Variants in PTPRN2 observed in about 807,000 individuals in gnomAD.
PTPRN2 encodes protein tyrosine phosphatase receptor type N2.
PTPRN2 carries 74 observed loss-of-function variants against 118.8 expected under a neutral mutation model. The ratio of observed to expected loss-of-function variants is 0.62; its 90% CI spans 0.52 to 0.76. The LOEUF is 0.76. Among genes scored for constraint, PTPRN2 ranks in the 30% least tolerant of loss-of-function variants. The pLI, the probability that PTPRN2 is intolerant of heterozygous loss-of-function variation, is 0.00. For synonymous variants in PTPRN2, 641 were observed against 608.0 expected (o/e 1.05, Z -0.80); for missense variants, 1,481 against 1,394.4 (o/e 1.06, Z -0.99).
chr7:158,041,022 C>G (rs905062182), intron 11 of PTPRN2, among the ~76,000 whole-genome samples: 1 of 152,194 alleles, frequency 6.6e-6, no homozygotes. Flanking sequence ...TGAGCCGCCA[C>G]GCCCGGTCCA....
chr7:158,006,482 C>CGGTGAGTCCCAGCAAG (rs1053007198), intron 11 of PTPRN2, among the ~76,000 whole-genome samples: 2 of 152,224 alleles, frequency 1.3e-5, no homozygotes, highest in Non-Finnish European at 2.9e-5. Context: ...TGGACACCTG[C>CGGTGAGTCCCAGCAAG]GGTGAGTCCC....
intron 4 of PTPRN2, among the ~76,000 whole-genome samples, chr7:158,201,913 C>G (rs1030901602): frequency 2.0e-5 from 3 of 152,154 alleles, no homozygotes; most frequent in African/African-American, 7.2e-5. Flanking sequence ...CACCCTGGGC[C>G]CATGTTCTCA....
At chr7:157,963,189 T>G (rs1271634091) in intron 11 of PTPRN2, among the ~76,000 whole-genome samples, 1 of 152,250 alleles carries the variant, frequency 6.6e-6, no homozygotes, top group Non-Finnish European at 1.5e-5. Context: ...TGGCCTCAGG[T>G]GGACCTGCAG....
intron 3 of PTPRN2, among the ~76,000 whole-genome samples, chr7:158,264,681 A>C (rs11773835): frequency 6.6e-6 from 1 of 151,942 alleles, no homozygotes; most frequent in Non-Finnish European, 1.5e-5. Flanking sequence ...GCCGGGAGCC[A>C]GGAGCCGTGG....
intron 11 of PTPRN2, among the ~76,000 whole-genome samples, chr7:157,942,854 C>A (rs1238466011): frequency 6.6e-6 from 1 of 152,236 alleles, no homozygotes; most frequent in East Asian, 1.9e-4. Context: ...TGGTGCCACC[C>A]CAGCCACCTT....
intron 12 of PTPRN2, among the ~76,000 whole-genome samples, chr7:157,691,886 C>G (rs1177053329): frequency 2.0e-5 from 3 of 152,180 alleles, no homozygotes; most frequent in Non-Finnish European, 2.9e-5. Context: ...CGCCCATGCT[C>G]TCTCTCCCCA....
chr7:157,883,941 C>A (rs1796315266), intron 12 of PTPRN2, among the ~76,000 whole-genome samples: 1 of 151,540 alleles, frequency 6.6e-6, no homozygotes, highest in Admixed American at 6.6e-5. Context: ...TGTTGGAGAC[C>A]AGAACACGCC....
chr7:158,171,294 CATATATATACACACATAT>C (rs1449587937), intron 5 of PTPRN2, among the ~76,000 whole-genome samples: 1 of 62,160 alleles, frequency 1.6e-5, no homozygotes, highest in African/African-American at 7.6e-5. Context: ...TATATACACA[CATATATATACACACATAT>C]ATATATATAT....
chr7:157,706,501 G>A (rs77215190), intron 12 of PTPRN2, among the ~76,000 whole-genome samples: 5,818 of 151,822 alleles, frequency 0.038, 205 homozygotes, highest in Middle Eastern at 0.056. Flanking sequence ...GATCAACAGG[G>A]ACCACATCCC....
intron 3 of PTPRN2, among the ~76,000 whole-genome samples, chr7:158,256,690 A>G (rs912946819): frequency 6.6e-6 from 1 of 152,120 alleles, no homozygotes; most frequent in Non-Finnish European, 1.5e-5. Context: ...ACAACCATGC[A>G]CTACCCTGGT....
rs549840282 is a variant in PTPRN2, at chr7:158,144,945, G to A, written c.911-6430C>T. 5.6e-5 allele frequency among the ~76,000 whole-genome samples: 8 copies of A among 142,262 alleles called. No homozygotes were observed. The South Asian group carries it at 6.4e-4, about 11-fold the overall frequency. 93.3% of individuals were successfully genotyped at this position (142,262 alleles called of 152,430 possible). A position where few individuals can be genotyped will look rare whatever the true frequency, so the allele number is the denominator to read the frequency against. ...CCACGTCTCCAGAATGCCACGGCTCGGCAAGACTTCCCTCACATCATCGCA... is the reference window on the plus strand; with the variant it reads ...CCACGTCTCCAGAATGCCACGGCTCAGCAAGACTTCCCTCACATCATCGCA... On this transcript the variant is annotated intron_variant, in intron 6 of 22. Transcript: ENST00000389418.
chr7:157,811,370 G>T (rs1304277824), intron 12 of PTPRN2, among the ~76,000 whole-genome samples: 1 of 127,614 alleles, frequency 7.8e-6, no homozygotes, highest in Non-Finnish European at 1.7e-5. Context: ...GCACACACAT[G>T]TATGTTTTAG....
chr7:157,968,301 CAGAA>C (rs55965654), intron 11 of PTPRN2, among the ~76,000 whole-genome samples: 67,134 of 151,928 alleles, frequency 0.44, 15,174 homozygotes, highest in East Asian at 0.57. Flanking sequence ...GCAGAGCTTT[CAGAA>C]TGGTGTCCAT....
In PTPRN2 at chr7:157,763,401, G is replaced by A. The variant is rs1208546883; in HGVS notation, c.1789-80464C>T. 6.6e-6 allele frequency among the ~76,000 whole-genome samples: 1 copy of A among 152,160 alleles called. No individual in the cohort carries two copies. Among genetic ancestry groups the A allele is most frequent in the South Asian group, 2.1e-4 (1 of 4,828 alleles). On this transcript the variant is annotated intron_variant, in intron 12 of 22. Coordinates refer to ENST00000389418, the MANE Select transcript of PTPRN2 (RefSeq NM_002847.5). This position sits in a 1 kb window ranked among gnomAD's most constrained non-coding sequence, Gnocchi z 4.9. ...GCCTGCCCCAGTCACTGTGGCCATGGGGCGGCCTTCGCTCTGAGGCACAGG... is the reference window on the plus strand; with the variant it reads ...GCCTGCCCCAGTCACTGTGGCCATGAGGCGGCCTTCGCTCTGAGGCACAGG...
At position 157,550,427 on chromosome 7, in the gene PTPRN2, G is replaced by A. The variant is rs1247775106; in HGVS notation, c.2903-1408C>T. On this transcript the variant is annotated intron_variant, in intron 21 of 22. Transcript: ENST00000389418. The surrounding 1 kb of genome is among the most constrained non-coding windows in gnomAD (Gnocchi z 5.2). ...AACCAAATGTCATGTTTGCATGAAGGGAGAACAAAGCAGGTGGTGTGGAGA... is the reference window on the plus strand; with the variant it reads ...AACCAAATGTCATGTTTGCATGAAGAGAGAACAAAGCAGGTGGTGTGGAGA... Among the ~76,000 whole-genome samples, 1 of 152,242 alleles carries A rather than the reference G, an allele frequency of 6.6e-6. No homozygotes were observed. Among genetic ancestry groups the A allele is most frequent in the Non-Finnish European group, 1.5e-5 (1 of 68,040 alleles).
intron 6 of PTPRN2, among the ~76,000 whole-genome samples, chr7:158,163,843 G>A (rs1328760521): frequency 3.9e-5 from 6 of 152,144 alleles, no homozygotes; most frequent in African/African-American, 1.4e-4. Context: ...CGTAGGTGAC[G>A]CCTGTACGGG....
intron 12 of PTPRN2, among the ~76,000 whole-genome samples, chr7:157,686,698 T>C (rs558702009): frequency 6.6e-6 from 1 of 152,306 alleles, no homozygotes; most frequent in East Asian, 1.9e-4. Flanking sequence ...CAGGCGTTTT[T>C]GAAAAGCGGA....
At chr7:158,538,945 C>T (rs1401656153) in intron 1 of PTPRN2, among the ~76,000 whole-genome samples, 1 of 152,222 alleles carries the variant, frequency 6.6e-6, no homozygotes, top group African/African-American at 2.4e-5. Context: ...GTCCCAGGAC[C>T]TGCTGGAAGT....
intron 12 of PTPRN2, among the ~76,000 whole-genome samples, chr7:157,734,005 T>C (rs71541698): frequency 2.0e-4 from 15 of 75,978 alleles, no homozygotes; most frequent in East Asian, 5.7e-4. Context: ...GTTACCCTTT[T>C]CCGTCCCATG....
Sources: gnomAD v4.1 joint callset for allele counts (sites outside exome capture counted in the v4.1 genomes callset) on GRCh38, gnomAD v4.1.1 for gene constraint, Gnocchi (gnomAD v3.1) non-coding constraint, MANE v1.5 for transcripts, NCBI Gene and HGNC (gene_info 2026-07-23, HGNC 2026-07-21) for gene names.